CCDC88A: variants seen among roughly 807,000 people sequenced by gnomAD.
The protein encoded by CCDC88A is girdin.
Under a neutral mutation model 234.3 loss-of-function variants are expected in CCDC88A, and 54 were observed. That is an observed-to-expected ratio of 0.23 (90% confidence interval 0.19 to 0.29). The LOEUF (loss-of-function observed/expected upper bound fraction) is 0.29, where lower values mean the gene tolerates loss of function less well. Among genes scored for constraint, CCDC88A ranks in the 10% least tolerant of loss-of-function variants. The pLI, the probability that CCDC88A is intolerant of heterozygous loss-of-function variation, is 1.00. For synonymous variants in CCDC88A, 753 were observed against 737.8 expected, an observed-to-expected ratio of 1.02 and a Z score of -0.33; for missense variants, 1,832 against 2,123.4, an observed-to-expected ratio of 0.86 and a Z score of 2.70.
chr2:55,342,710 T>C (rs1668662727), intron 12 of CCDC88A, among the ~76,000 whole-genome samples: 2 of 152,148 alleles, frequency 1.3e-5, no homozygotes, highest in African/African-American at 4.8e-5. Context: ...TTTTCAAGTA[T>C]AAAACAGGAA....
intron 8 of CCDC88A, among the ~76,000 whole-genome samples, chr2:55,353,414 T>C (rs368152142): frequency 1.9e-4 from 29 of 152,288 alleles, no homozygotes; most frequent in African/African-American, 6.0e-4. Flanking sequence ...CAGCTGTTTA[T>C]AGAATATCCT....
Position 55,332,380 on chromosome 2 carries a change from C to T in CCDC88A, c.2855+186G>A, listed in dbSNP as rs1218396362. 2.0e-6 allele frequency: 2 copies of T among 1,023,854 alleles called. No homozygotes were observed. Among genetic ancestry groups the T allele is most frequent in the African/African-American group, 1.7e-5 (1 of 59,468 alleles). 63.4% of individuals were successfully genotyped at this position (1,023,854 alleles called of 1,614,324 possible). On this transcript the variant is annotated intron_variant, in intron 16 of 32. Transcript: ENST00000436346. The surrounding 1 kb of genome is among the most constrained non-coding windows in gnomAD (Gnocchi z 4.5). ...CAGGTGATCCGCCCGCTTCAGCCTC[C>T]CAAAGTGCTGGGATTATAGGTGTGA...
At chr2:55,391,178 A>T (rs1676580291) in intron 2 of CCDC88A, among the ~76,000 whole-genome samples, 1 of 152,206 alleles carries the variant, frequency 6.6e-6, no homozygotes. Context: ...CAGAACATAC[A>T]GCAGAGACCG....
At chr2:55,329,821 G>A (rs112770193) in intron 16 of CCDC88A, 10,792 of 152,302 alleles carry the variant, frequency 0.071, 1,215 homozygotes, top group African/African-American at 0.24. Flanking sequence ...GTGCAGTGGC[G>A]CAATCTCAGC....
chr2:55,310,833 A>C (rs1682257987), intron 23 of CCDC88A, among the ~76,000 whole-genome samples: 1 of 152,242 alleles, frequency 6.6e-6, no homozygotes, highest in Non-Finnish European at 1.5e-5. Context: ...GTTGTTAACA[A>C]GGCTGGAGTT....
rs550240745 is a variant in CCDC88A, at chr2:55,306,998, A to G, written c.4387+1811T>C. On this transcript the variant is annotated intron_variant, in intron 25 of 32. Transcript: ENST00000436346. ...TGCTTTGAGAGTTGCCCATTTGGAG[A>G]GTCTACCCCTGGGAGAAGCAGCAGC... Among the ~76,000 whole-genome samples, 5 of 152,294 alleles carry G rather than the reference A, an allele frequency of 3.3e-5. No homozygotes were observed. The East Asian group carries it at 9.6e-4, about 29-fold the overall frequency.
intron 7 of CCDC88A, among the ~76,000 whole-genome samples, chr2:55,358,335 T>G (rs1670856282): frequency 6.6e-6 from 1 of 152,176 alleles, no homozygotes; most frequent in African/African-American, 2.4e-5. Context: ...AATTCAAGTT[T>G]GACTCTATCG....
chr2:55,295,648 A>C lies in CCDC88A; in HGVS notation c.5500T>G (p.Ser1834Ala). 6.2e-7 allele frequency: 1 copy of C among 1,614,154 alleles called. No individual in the cohort carries two copies. The highest frequency in any genetic ancestry group is 8.5e-7 in the Non-Finnish European group (1 of 1,180,028). The change falls in exon 31 of 33, where the codon TCA (serine) becomes GCA (alanine). Residue 1834 changes from serine (S) to alanine (A), a missense_variant. By Grantham distance (99) the Ser-to-Ala change is moderately conservative. Transcript: ENST00000436346. The part of the protein sequence containing the change: ...FLTKDSRLPI[S>A]VDSPPAAADS... ...GCAGCAGCTGGTGGTGAATCAACTG[A>C]TATAGGCAGTCTACTGTCCTTGGTC...
At chr2:55,314,254 GAGT>G (rs1355187775) in intron 22 of CCDC88A, 1 of 152,254 alleles carries the variant, frequency 6.6e-6, no homozygotes, top group Non-Finnish European at 1.5e-5. Flanking sequence ...ATACATCAGT[GAGT>G]AGATTAGCAT....
intron 28 of CCDC88A, 78 bp from the exon 29 acceptor site, chr2:55,299,997 G>T: frequency 5.0e-6 from 5 of 1,005,592 alleles, no homozygotes; most frequent in Non-Finnish European, 7.8e-6. Flanking sequence ...TCTGATTACA[G>T]AATGCTTTGA....
intron 29 of CCDC88A, chr2:55,296,831 A>AAATG (rs1481742734): frequency 8.3e-6 from 2 of 241,472 alleles, no homozygotes; most frequent in Non-Finnish European, 1.6e-5. Context: ...TTTTTTGAGT[A>AAATG]AATGAATGAA....
At position 55,335,118 on chromosome 2, in the gene CCDC88A, G is replaced by A; in HGVS notation, c.1703C>T (p.Ser568Phe). 1 of 1,574,734 alleles carries A rather than the reference G, an allele frequency of 6.4e-7. No individual in the cohort carries two copies. Reference protein sequence around the residue: ...QENEHLNQTVSSLRQRSQISA... With the variant: ...QENEHLNQTVFSLRQRSQISA... ...TATCTGGGACCGCTGCCTTAAGGAA[G>A]ACACTGTTTGATTCAGATGTTCATT... The change falls in exon 15 of 33, where the codon TCT becomes TTT. Residue 568 changes from serine to phenylalanine, a missense_variant. Physicochemically the swap from Ser to Phe is radical, Grantham distance 155. This residue lies in a region of CCDC88A where 1,282 missense variants were observed against 1,543.6 expected (regional missense o/e 0.83). Coordinates refer to ENST00000436346, the MANE Select transcript of CCDC88A (RefSeq NM_001365480.1). The surrounding 1 kb of genome is among the most constrained non-coding windows in gnomAD (Gnocchi z 4.5).
intron 2 of CCDC88A, among the ~76,000 whole-genome samples, chr2:55,393,289 GTT>G (rs558827055): frequency 6.0e-4 from 37 of 61,674 alleles, no homozygotes; most frequent in African/African-American, 2.0e-3. Flanking sequence ...GGTTTTTTGG[GTT>G]TTTTTTTTTT....
intron 7 of CCDC88A, among the ~76,000 whole-genome samples, chr2:55,359,015 T>A (rs893116247): frequency 6.6e-6 from 1 of 152,154 alleles, no homozygotes; most frequent in Non-Finnish European, 1.5e-5. Context: ...ATCTCCTGAC[T>A]CTAACAAAGC....
intron 22 of CCDC88A, chr2:55,315,154 G>A (rs961281318): frequency 2.6e-5 from 4 of 152,170 alleles, no homozygotes. Flanking sequence ...TTCAACCTCA[G>A]GCTATCTAAG....
intron 5 of CCDC88A, among the ~76,000 whole-genome samples, chr2:55,366,494 T>C (rs1458084763): frequency 6.7e-6 from 1 of 149,998 alleles, no homozygotes; most frequent in Non-Finnish European, 1.5e-5. Context: ...GCCACTACAC[T>C]CCAGCCTAGG....
chr2:55,371,396 A>C (rs1558760403), intron 5 of CCDC88A, among the ~76,000 whole-genome samples: 2 of 152,292 alleles, frequency 1.3e-5, no homozygotes, highest in East Asian at 3.9e-4. Flanking sequence ...TATGTAAAAA[A>C]ATTACTAGTA....
chr2:55,374,740 C>G (rs1460914872), intron 4 of CCDC88A, 74 bp downstream of exon 4: 1 of 869,168 alleles, frequency 1.2e-6, no homozygotes, highest in Non-Finnish European at 1.9e-6. Context: ...TATATAAGCT[C>G]TTAGTAAAAA....
chr2:55,363,066 C>A (rs2104788025), intron 6 of CCDC88A, among the ~76,000 whole-genome samples: 1 of 151,962 alleles, frequency 6.6e-6, no homozygotes, highest in Middle Eastern at 3.4e-3. Context: ...CAGTAACTTG[C>A]AATACTTAGC....
Sources: allele counts gnomAD v4.1 joint callset (sites outside exome capture counted in the v4.1 genomes callset), GRCh38; gene constraint gnomAD v4.1.1; regional missense constraint gnomAD v4.1.1; non-coding constraint Gnocchi (gnomAD v3.1); transcripts MANE v1.5; gene names NCBI Gene and HGNC (gene_info 2026-07-23, HGNC 2026-07-21).